Variants in TNFRSF11A observed in about 807,000 individuals in gnomAD.
TNFRSF11A encodes tumor necrosis factor receptor superfamily member 11A.
In TNFRSF11A, 32 loss-of-function variants were observed where a neutral mutation model predicts 55.7. The ratio of observed to expected loss-of-function variants is 0.57; its 90% CI spans 0.43 to 0.77. The LOEUF (loss-of-function observed/expected upper bound fraction) is 0.77. Ranked by LOEUF, TNFRSF11A falls within the 30% of genes least tolerant of loss-of-function variation. The pLI is 0.00. For missense variants in TNFRSF11A, 753 were observed against 809.8 expected, an observed-to-expected ratio of 0.93 and a Z score of 0.85; for synonymous variants, 311 against 331.0, an observed-to-expected ratio of 0.94 and a Z score of 0.65.
chr18:62,363,205 C>T (rs577992746), intron 7 of TNFRSF11A, among the ~76,000 whole-genome samples: 8 of 152,114 alleles, frequency 5.3e-5, no homozygotes, highest in South Asian at 4.2e-4. Flanking sequence ...AGTTTTCCCA[C>T]GTCACACTCT....
chr18:62,350,875 T>C (rs1223209423), intron 3 of TNFRSF11A, among the ~76,000 whole-genome samples: 1 of 152,138 alleles, frequency 6.6e-6, no homozygotes, highest in Non-Finnish European at 1.5e-5. Flanking sequence ...CCTTTTTCCA[T>C]TGAGCTCATT....
Position 62,390,108 on chromosome 18 carries a change from T to A in TNFRSF11A, c.*5074T>A, listed in dbSNP as rs17665435. On this transcript the variant is annotated 3_prime_UTR_variant, in exon 10 of 10. Coordinates refer to ENST00000586569, the MANE Select transcript of TNFRSF11A (RefSeq NM_003839.4). ...TTCCCTCCCTGTCTCTGACACTTGT[T>A]CATTCCTGGGCTCAGGAGCCATCTC... The A allele has an allele frequency of 0.26, 40,138 of 152,160 alleles. 5,867 individuals are homozygous for A. Among genetic ancestry groups the A allele is most frequent in the Non-Finnish European group, 0.33 (22,447 of 67,982 alleles). The allele number at this position is 152,160 out of a possible 1,614,324, so 9.4% of individuals were successfully genotyped here. A position where few individuals can be genotyped will look rare whatever the true frequency, so the allele number is the denominator to read the frequency against.
In TNFRSF11A at chr18:62,354,426, A is replaced by G. The variant is rs967846618; in HGVS notation, c.319A>G (p.Thr107Ala). 3 of 1,594,946 alleles carry G rather than the reference A, an allele frequency of 1.9e-6. No homozygotes were observed. The highest frequency in any genetic ancestry group is 8.5e-7 in the Non-Finnish European group (1 of 1,176,432). ...GGTGGCCGTGGTCGCCGGCAACAGC[A>G]CGACCCCCCGGCGCTGCGCGTGCAC... Reference protein sequence around the residue: ...ALVAVVAGNSTTPRRCACTAG... With the variant: ...ALVAVVAGNSATPRRCACTAG... The change falls in exon 4 of 10, where the codon ACG becomes GCG. Residue 107 changes from threonine to alanine, a missense_variant. This residue lies in a region of TNFRSF11A where 156 missense variants were observed against 155.1 expected (regional missense o/e 1.01). Coordinates refer to ENST00000586569, the MANE Select transcript of TNFRSF11A (RefSeq NM_003839.4).
At chr18:62,339,087 T>G (rs1432878000) in intron 1 of TNFRSF11A, among the ~76,000 whole-genome samples, 1 of 152,300 alleles carries the variant, frequency 6.6e-6, no homozygotes, top group South Asian at 2.1e-4. Flanking sequence ...TTGCACCTTC[T>G]TGCGCTTTCT....
chr18:62,330,454 C>T (rs569717552), intron 1 of TNFRSF11A, among the ~76,000 whole-genome samples: 22 of 152,166 alleles, frequency 1.4e-4, no homozygotes, highest in African/African-American at 4.8e-4. Context: ...TGCAGGGAAC[C>T]GAAGGAAGGA....
intron 8 of TNFRSF11A, among the ~76,000 whole-genome samples, chr18:62,367,788 C>CTTTTTTTTTTTTTTTTTTTTTTTT (rs67721371): frequency 1.3e-4 from 10 of 78,684 alleles, no homozygotes; most frequent in East Asian, 4.0e-4. Flanking sequence ...TCTTCTTCTT[C>CTTTTTTTTTTTTTTTTTTTTTTTT]TTTTTTTTTT....
chr18:62,384,820 T>G lies in TNFRSF11A; in HGVS notation c.1637T>G (p.Ile546Ser). The G allele has an allele frequency of 6.2e-7, 1 of 1,612,318 alleles. No homozygotes were observed. Among genetic ancestry groups the G allele is most frequent in the Non-Finnish European group, 8.5e-7 (1 of 1,179,384 alleles). The change falls in exon 10 of 10, where the codon ATC (isoleucine) becomes AGC (serine). Residue 546 changes from isoleucine to serine, a missense_variant. Physicochemically the swap from Ile to Ser is moderately radical, Grantham distance 142 (BLOSUM62 -2). Around this residue, in one of 3 missense-constraint regions of TNFRSF11A, gnomAD observed 567 missense variants for 596.7 expected, o/e 0.95. Transcript: ENST00000586569. ...SGQVMNFKGD[I>S]IVVYVSQTSQ... ...CAGGTGATGAACTTCAAGGGCGACA[T>G]CATCGTGGTCTACGTCAGCCAGACC...
At chr18:62,356,703 C>G (rs539479396) in intron 4 of TNFRSF11A, among the ~76,000 whole-genome samples, 1 of 152,180 alleles carries the variant, frequency 6.6e-6, no homozygotes, top group Non-Finnish European at 1.5e-5. Context: ...TGCTGGGAGG[C>G]GCAGGAACTC....
At position 62,385,336 on chromosome 18, in the gene TNFRSF11A, T is replaced by A; in HGVS notation, c.*302T>A. On this transcript the variant is annotated 3_prime_UTR_variant, in exon 10 of 10. Transcript: ENST00000586569. ...ATGACAGCTATTTTTATGACTATCC[T>A]GTTCTGTGGGGGGGGGGGTCTGTTT... 1.0e-5 allele frequency: 2 copies of A among 198,922 alleles called. No homozygotes were observed. The highest frequency in any genetic ancestry group is 1.9e-5 in the Non-Finnish European group (2 of 104,988). 12.3% of individuals were successfully genotyped at this position (198,922 alleles called of 1,614,324 possible). A position where few individuals can be genotyped will look rare whatever the true frequency, so the allele number is the denominator to read the frequency against.
intron 3 of TNFRSF11A, among the ~76,000 whole-genome samples, chr18:62,351,285 G>A (rs767576850): frequency 1.4e-4 from 21 of 152,212 alleles, no homozygotes; most frequent in Non-Finnish European, 7.3e-5. Flanking sequence ...TTACAGGCGT[G>A]AGCCACAATG....
intron 5 of TNFRSF11A, 49 bp downstream of exon 5, chr18:62,358,390 T>G (rs757330552): frequency 2.0e-6 from 3 of 1,534,358 alleles, no homozygotes; most frequent in Non-Finnish European, 2.7e-6. Context: ...TTTAAACAAC[T>G]CAACCTCCAC....
intron 9 of TNFRSF11A, among the ~76,000 whole-genome samples, chr18:62,371,726 G>A (rs190084607): frequency 6.6e-6 from 1 of 152,212 alleles, no homozygotes; most frequent in South Asian, 2.1e-4. Flanking sequence ...ACTTCTCCAT[G>A]AACAGGCCTT....
rs148445879 is a variant in TNFRSF11A at position 62,349,853 on chromosome 18, G to T, written c.199G>T (p.Val67Leu). The T allele has an allele frequency of 6.8e-6, 11 of 1,614,034 alleles. No individual in the cohort carries two copies. In the African/African-American group the frequency reaches 1.5e-4, roughly 22 times the overall value. Residue 67 changes from valine to leucine, a missense_variant, in exon 3 of 10, where the codon GTA becomes TTA. Physicochemically the swap from Val to Leu is conservative, Grantham distance 32 (BLOSUM62 1). Transcript: ENST00000586569. The stretch of plus-strand genomic sequence containing the variant: ...TAAATGCACTACTACCTCTGACAGT[G>T]TATGTCTGCCCTGTGGCCCGGATGA... ...SSKCTTTSDS[V>L]CLPCGPDEYL... is the part of the protein sequence containing the mutation.
chr18:62,371,206 C>G (rs1038245320), intron 9 of TNFRSF11A, among the ~76,000 whole-genome samples: 17 of 152,270 alleles, frequency 1.1e-4, no homozygotes, highest in African/African-American at 3.9e-4. Context: ...CTGTGGGGAG[C>G]GAGAAAGCTG....
In TNFRSF11A at chr18:62,358,299, C is replaced by G; in HGVS notation, c.479C>G (p.Ser160Cys). The change falls in exon 5 of 10, where the codon TCT becomes TGT. Residue 160 changes from serine to cysteine, a missense_variant. Transcript: ENST00000586569. ...AAACCTTGCCTTGCAGGCTACTTCTCTGATGCCTTTTCCTCCACGGACAAA... is the reference window on the plus strand; with the variant it reads ...AAACCTTGCCTTGCAGGCTACTTCTGTGATGCCTTTTCCTCCACGGACAAA... ...VCKPCLAGYF[S>C]DAFSSTDKCR... 6.2e-7 allele frequency: 1 copy of G among 1,609,840 alleles called. No homozygotes were observed. Among genetic ancestry groups the G allele is most frequent in the South Asian group, 1.1e-5 (1 of 90,988 alleles).
intron 9 of TNFRSF11A, among the ~76,000 whole-genome samples, chr18:62,378,540 G>A (rs1231421996): frequency 6.6e-6 from 1 of 152,200 alleles, no homozygotes; most frequent in African/African-American, 2.4e-5. Flanking sequence ...GTCCTTGGGA[G>A]TTCCGTGAGC....
Position 62,369,163 on chromosome 18 carries a change from A to G in TNFRSF11A, c.1246A>G (p.Met416Val). Residue 416 changes from methionine to valine, a missense_variant, in exon 9 of 10, where the codon ATG becomes GTG. Met to Val is a conservative substitution (Grantham distance 21, BLOSUM62 1). Coordinates refer to ENST00000586569, the MANE Select transcript of TNFRSF11A (RefSeq NM_003839.4). ...EPLCRTDWTP[M>V]SSENYLQKEV... The stretch of plus-strand genomic sequence containing the variant: ...CCTGTGCAGGACTGATTGGACTCCC[A>G]TGTCCTCTGAAAACTACTTGCAAAA... 3.1e-6 allele frequency: 5 copies of G among 1,614,128 alleles called. No homozygotes were observed. Among genetic ancestry groups the G allele is most frequent in the South Asian group, 1.1e-5 (1 of 91,088 alleles).
chr18:62,340,150 C>T (rs1037934477), intron 1 of TNFRSF11A, among the ~76,000 whole-genome samples: 1 of 151,886 alleles, frequency 6.6e-6, no homozygotes, highest in East Asian at 2.0e-4. Flanking sequence ...AGTGATCACA[C>T]CACTGCACTC....
At chr18:62,328,755 A>G (rs1478671742) in intron 1 of TNFRSF11A, among the ~76,000 whole-genome samples, 1 of 152,200 alleles carries the variant, frequency 6.6e-6, no homozygotes, top group Non-Finnish European at 1.5e-5. Flanking sequence ...GGGAGCACAG[A>G]CACAGATCTG....
Sources: gnomAD v4.1 joint callset for allele counts (sites outside exome capture counted in the v4.1 genomes callset) on GRCh38, gnomAD v4.1.1 for gene constraint, gnomAD v4.1.1 regional missense constraint, MANE v1.5 for transcripts, NCBI Gene and HGNC (gene_info 2026-07-23, HGNC 2026-07-21) for gene names.